Variants in CABIN1 observed in about 807,000 individuals in gnomAD.
The protein encoded by CABIN1 is calcineurin-binding protein cabin-1.
A neutral mutation model predicts 227.7 loss-of-function variants in CABIN1; 133 were observed. The observed-to-expected ratio is 0.58, with a 90% CI of 0.51 to 0.67. The LOEUF (loss-of-function observed/expected upper bound fraction) is 0.67. CABIN1 is among the 30% of genes least tolerant of loss of function. The pLI, the probability that CABIN1 is intolerant of heterozygous loss-of-function variation, is 0.00. For missense variants in CABIN1, 2,408 were observed against 2,852.5 expected (o/e 0.84, Z 3.55); for synonymous variants, 1,086 against 1,155.1 (o/e 0.94, Z 1.21).
chr22:24,055,205 T>A (rs1217497553), intron 9 of CABIN1, 46 bp downstream of exon 9: 1 of 1,597,158 alleles, frequency 6.3e-7, no homozygotes, highest in African/African-American at 1.3e-5. Flanking sequence ...CCCCGTTCAC[T>A]GAGCCCAGCA....
At chr22:24,056,603 A>G (rs995522944) in intron 10 of CABIN1, 4 of 548,650 alleles carry the variant, frequency 7.3e-6, no homozygotes, top group African/African-American at 5.7e-5. Context: ...TTTGAGAGCT[A>G]GAAGCAACAT....
Position 24,171,059 on chromosome 22 carries a change from C to T in CABIN1, c.5758-654C>T, listed in dbSNP as rs541347928. ...CCCTGTGAAAAGAACCCCAAAAGGG[C>T]CTCATGGCAGAGGGAATTGTGTGGA... On this transcript the variant is annotated intron_variant, in intron 33 of 36. Coordinates refer to ENST00000263119, the MANE Select transcript of CABIN1 (RefSeq NM_012295.4). Among the ~76,000 whole-genome samples the T allele has an allele frequency of 2.6e-5, 4 of 152,324 alleles. No individual in the cohort carries two copies. The South Asian group carries it at 6.2e-4, about 24-fold the overall frequency.
chr22:24,058,837 G>A (rs1184259414), intron 10 of CABIN1, among the ~76,000 whole-genome samples: 1 of 152,210 alleles, frequency 6.6e-6, no homozygotes, highest in African/African-American at 2.4e-5. Context: ...ATAGTCTCAA[G>A]CACTCTGTTG....
intron 9 of CABIN1, 106 bp downstream of exon 9, chr22:24,055,265 T>A: frequency 4.6e-6 from 6 of 1,292,092 alleles, no homozygotes; most frequent in Non-Finnish European, 6.4e-6. Context: ...AGGGTCATGC[T>A]GATGCTCATG....
Position 24,076,298 on chromosome 22 carries a change from C to A in CABIN1, c.2748+14C>A, listed in dbSNP as rs1192126025. The A allele has an allele frequency of 5.0e-6, 8 of 1,599,596 alleles. No individual in the cohort carries two copies. The highest frequency in any genetic ancestry group is 6.9e-6 in the Non-Finnish European group (8 of 1,166,806). On this transcript the variant is annotated intron_variant, in intron 19 of 36. Coordinates refer to ENST00000263119, the MANE Select transcript of CABIN1 (RefSeq NM_012295.4). ...CTGCGATTCTATGTAAGTGCTTCCC[C>A]TTGGGCTGCAGACTGCCAGTGCGGG...
chr22:24,158,957 A>T (rs2045993669), intron 29 of CABIN1, among the ~76,000 whole-genome samples: 1 of 152,240 alleles, frequency 6.6e-6, no homozygotes, highest in African/African-American at 2.4e-5. Context: ...GGGCAAAGGG[A>T]TGTGGAGGCC....
chr22:24,139,892 C>T (rs1250769816), intron 29 of CABIN1, among the ~76,000 whole-genome samples: 1 of 152,268 alleles, frequency 6.6e-6, no homozygotes, highest in Non-Finnish European at 1.5e-5. Context: ...TCAGCCAGTG[C>T]TGGATGTTGT....
chr22:24,061,314 A>C (rs1288573968), intron 12 of CABIN1, among the ~76,000 whole-genome samples: 1 of 152,214 alleles, frequency 6.6e-6, no homozygotes, highest in African/African-American at 2.4e-5. Flanking sequence ...CAGGAGCACC[A>C]GGAACATTCA....
chr22:24,059,847 T>C (rs2039062391), intron 11 of CABIN1, 77 bp from the exon 12 acceptor site: 1 of 1,272,308 alleles, frequency 7.9e-7, no homozygotes, highest in African/African-American at 1.5e-5. Context: ...CAGTCTTTAC[T>C]GTCCCAAAGT....
At chr22:24,109,887 C>G (rs1464033165) in intron 26 of CABIN1, among the ~76,000 whole-genome samples, 4 of 152,178 alleles carry the variant, frequency 2.6e-5, no homozygotes, top group Admixed American at 2.0e-4. Flanking sequence ...TAATAGTTCT[C>G]AGCCGGGCGT....
chr22:24,136,609 G>A (rs1212586824), intron 29 of CABIN1, among the ~76,000 whole-genome samples: 2 of 137,184 alleles, frequency 1.5e-5, no homozygotes, highest in African/African-American at 2.8e-5. Flanking sequence ...CAAGTGATCC[G>A]CCCTCCTTGG....
chr22:24,139,022 A>G (rs1330480163), intron 29 of CABIN1, among the ~76,000 whole-genome samples: 1 of 152,220 alleles, frequency 6.6e-6, no homozygotes, highest in African/African-American at 2.4e-5. Flanking sequence ...TCTTTACAGT[A>G]ACAAGGGCTA....
chr22:24,043,010 T>C lies in CABIN1; in HGVS notation c.452T>C (p.Leu151Pro). 6.2e-7 allele frequency: 1 copy of C among 1,614,100 alleles called. No homozygotes were observed. The highest frequency in any genetic ancestry group is 8.5e-7 in the Non-Finnish European group (1 of 1,180,016). The change falls in exon 6 of 37, where the codon CTG becomes CCG. Residue 151 changes from leucine (L) to proline (P), a missense_variant. Transcript: ENST00000263119. ...PLARHAFEEG[L>P]RCNPDHWPCL... ...GCTCGCCATGCTTTTGAGGAAGGGC[T>C]GCGGTGCAATCCTGACCACTGGCCC...
chr22:24,101,867 ATG>A (rs60565595), intron 26 of CABIN1: 35,557 of 151,230 alleles, frequency 0.24, 6,487 homozygotes, highest in African/African-American at 0.5. Flanking sequence ...GCGTGTATGT[ATG>A]TGTGTGTGTG....
intron 23 of CABIN1, among the ~76,000 whole-genome samples, chr22:24,088,818 T>C (rs1427116950): frequency 6.6e-6 from 1 of 152,236 alleles, no homozygotes; most frequent in Non-Finnish European, 1.5e-5. Context: ...GCTATCACAC[T>C]GTGTATGGTA....
chr22:24,134,281 A>G (rs376219417), intron 28 of CABIN1, 21 bp from the exon 29 acceptor site: 10 of 1,601,388 alleles, frequency 6.2e-6, no homozygotes, highest in African/African-American at 4.0e-5. Flanking sequence ...CTCACTTTCA[A>G]CCTACTTCTT....
At chr22:24,145,235 C>T (rs753192118) in intron 29 of CABIN1, among the ~76,000 whole-genome samples, 1 of 152,116 alleles carries the variant, frequency 6.6e-6, no homozygotes, top group Non-Finnish European at 1.5e-5. Flanking sequence ...GAGCGTCTTC[C>T]AGGTGTTGCA....
intron 29 of CABIN1, among the ~76,000 whole-genome samples, chr22:24,139,592 T>C (rs2001105): frequency 0.25 from 38,007 of 151,614 alleles, 5,388 homozygotes; most frequent in East Asian, 0.39. Flanking sequence ...TGTGCGTGTG[T>C]GCTTTTTAGC....
intron 29 of CABIN1, among the ~76,000 whole-genome samples, chr22:24,162,699 C>T (rs916372564): frequency 1.4e-4 from 21 of 152,198 alleles, no homozygotes; most frequent in African/African-American, 7.2e-5. Flanking sequence ...GCCAAGCGGG[C>T]GGCGGTGTCT....
Sources: allele counts gnomAD v4.1 joint callset (sites outside exome capture counted in the v4.1 genomes callset), GRCh38; gene constraint gnomAD v4.1.1; transcripts MANE v1.5; gene names NCBI Gene and HGNC (gene_info 2026-07-23, HGNC 2026-07-21).